The following DGKI variants were observed in gnomAD, a reference collection of about 807,000 sequenced individuals.
DGKI encodes diacylglycerol kinase iota, also known as DAG kinase iota.
In DGKI, 55 loss-of-function variants were observed where a neutral mutation model predicts 147.5. The ratio of observed to expected loss-of-function variants is 0.37; its 90% CI spans 0.30 to 0.47. The LOEUF is 0.47. DGKI is among the 20% of genes least tolerant of loss of function. The pLI is 1.00. For synonymous variants in DGKI, 469 were observed against 477.1 expected (o/e 0.98, Z 0.22); for missense variants, 1,007 against 1,323.8 (o/e 0.76, Z 3.71).
intron 19 of DGKI, among the ~76,000 whole-genome samples, chr7:137,563,607 C>A (rs1818488709): frequency 6.6e-6 from 1 of 151,674 alleles, no homozygotes. Flanking sequence ...GGTCAATAAA[C>A]AAATATGTAT....
intron 12 of DGKI, among the ~76,000 whole-genome samples, chr7:137,592,141 T>C (rs1196240999): frequency 6.6e-6 from 1 of 152,198 alleles, no homozygotes; most frequent in Non-Finnish European, 1.5e-5. Context: ...CCGGAACCCG[T>C]TTCCACCTGA....
intron 6 of DGKI, among the ~76,000 whole-genome samples, chr7:137,638,644 G>GTGTATA (rs1821499704): frequency 3.8e-4 from 1 of 2,664 alleles, no homozygotes; most frequent in African/African-American, 2.1e-3. Context: ...GTATATATGT[G>GTGTATA]TATGTATATA....
chr7:137,618,522 G>T lies in DGKI; in HGVS notation c.993+1302C>A, dbSNP rs1288700441. Among the ~76,000 whole-genome samples, 3 of 151,358 alleles carry T rather than the reference G, an allele frequency of 2.0e-5. No individual in the cohort carries two copies. In the South Asian group the frequency reaches 6.3e-4, roughly 32 times the overall value. On this transcript the variant is annotated intron_variant, in intron 8 of 32. Coordinates refer to ENST00000614521, the MANE Select transcript of DGKI (RefSeq NM_001321708.2). ...AAGAGTAAGGATCACGTATTTTATC[G>T]CAATGCCTATTAGCCTTCCTGATAC... is the stretch of plus-strand genomic sequence containing the variant.
At position 137,577,289 on chromosome 7, in the gene DGKI, AC is replaced by A; in HGVS notation, c.1699-6del. Reference sequence around the variant, plus strand: ...TAGGAAGTCAGAAAAAGCTGCCTATACCACAGGGAAATAAAGAAGAAGAAAT... The same window carrying A: ...TAGGAAGTCAGAAAAAGCTGCCTATACACAGGGAAATAAAGAAGAAGAAAT... On this transcript the variant is annotated splice_polypyrimidine_tract_variant and splice_region_variant and intron_variant, in intron 16 of 32. Transcript: ENST00000614521. 1 of 1,587,368 alleles carries A rather than the reference AC, an allele frequency of 6.3e-7. No individual in the cohort carries two copies. The highest frequency in any genetic ancestry group is 8.6e-7 in the Non-Finnish European group (1 of 1,161,210).
chr7:137,532,078 C>A (rs961615466), intron 20 of DGKI, among the ~76,000 whole-genome samples: 6 of 149,810 alleles, frequency 4.0e-5, no homozygotes, highest in Non-Finnish European at 4.5e-5. Flanking sequence ...ATAAAAATAT[C>A]AAAAAAAACA....
At chr7:137,768,773 A>C (rs1235060005) in intron 1 of DGKI, among the ~76,000 whole-genome samples, 1 of 152,124 alleles carries the variant, frequency 6.6e-6, no homozygotes, top group African/African-American at 2.4e-5. Context: ...CTTCACACTC[A>C]GGGACAAAAT....
intron 1 of DGKI, among the ~76,000 whole-genome samples, chr7:137,796,196 T>G (rs1341841694): frequency 6.6e-6 from 1 of 152,044 alleles, no homozygotes; most frequent in Non-Finnish European, 1.5e-5. Context: ...TTACACAAAG[T>G]TTTAAATAAA....
intron 1 of DGKI, among the ~76,000 whole-genome samples, chr7:137,705,229 A>G (rs1417347757): frequency 6.6e-6 from 1 of 152,098 alleles, no homozygotes; most frequent in Non-Finnish European, 1.5e-5. Context: ...ATGCAATATG[A>G]CCCAGAAATT....
At position 137,552,523 on chromosome 7, in the gene DGKI, G is replaced by A. The variant is rs749575528; in HGVS notation, c.1993C>T (p.Arg665Ter). ...GGHGERLHQC[R>*]EVMLLTYKSI... ...TTGTAAGTTAGAAGCATGACTTCTC[G>A]ACACTGGTGTAGCCTCTCTCCATGG... is the stretch of plus-strand genomic sequence containing the variant. The change falls in exon 20 of 33, where the codon CGA (arginine) becomes TGA (stop). Residue 665 changes from arginine (R) to a stop codon, truncating the protein, a stop_gained. Transcript: ENST00000614521. LOFTEE classifies it high-confidence loss of function. 2 of 1,614,142 alleles carry A rather than the reference G, an allele frequency of 1.2e-6. No individual in the cohort carries two copies. Among genetic ancestry groups the A allele is most frequent in the Non-Finnish European group, 1.7e-6 (2 of 1,180,042 alleles).
chr7:137,485,001 G>C (rs903688401), intron 23 of DGKI, among the ~76,000 whole-genome samples: 1 of 152,038 alleles, frequency 6.6e-6, no homozygotes, highest in Non-Finnish European at 1.5e-5. Context: ...GCAGGAAAGT[G>C]GAGTGTGAGC....
chr7:137,549,134 G>T (rs834055), intron 20 of DGKI, among the ~76,000 whole-genome samples: 16,598 of 152,186 alleles, frequency 0.11, 2,044 homozygotes, highest in African/African-American at 0.3. Context: ...CAGCTGTGAA[G>T]GGAATAGGCT....
rs537163526 is a variant in DGKI, at chr7:137,619,564, T to C, written c.993+260A>G. Among the ~76,000 whole-genome samples, 4 of 152,230 alleles carry C rather than the reference T, an allele frequency of 2.6e-5. No homozygotes were observed. In the South Asian group the frequency reaches 8.3e-4, roughly 32 times the overall value. ...GGAAGAGCACCTATCAAAGAGAATA[T>C]CATTAGCACATGAATGAGGAGGCAA... On this transcript the variant is annotated intron_variant, in intron 8 of 32. Coordinates refer to ENST00000614521, the MANE Select transcript of DGKI (RefSeq NM_001321708.2).
intron 21 of DGKI, among the ~76,000 whole-genome samples, chr7:137,488,107 T>A (rs1815633605): frequency 6.6e-6 from 1 of 152,132 alleles, no homozygotes; most frequent in South Asian, 2.1e-4. Context: ...CCGGGGGAAT[T>A]AAACATTGAG....
intron 21 of DGKI, among the ~76,000 whole-genome samples, chr7:137,502,192 C>A (rs2128943009): frequency 6.6e-6 from 1 of 152,196 alleles, no homozygotes; most frequent in Admixed American, 6.5e-5. Context: ...AGGGCCTAAG[C>A]CTGGGGGTTC....
At chr7:137,486,011 T>C (rs1399492131) in intron 22 of DGKI, among the ~76,000 whole-genome samples, 1 of 152,128 alleles carries the variant, frequency 6.6e-6, no homozygotes, top group East Asian at 1.9e-4. Context: ...ACTCCTTTCA[T>C]AAAGTTTTAT....
chr7:137,786,923 T>G (rs1258173816), intron 1 of DGKI, among the ~76,000 whole-genome samples: 1 of 152,160 alleles, frequency 6.6e-6, no homozygotes, highest in Non-Finnish European at 1.5e-5. Context: ...GCAAGTCACA[T>G]GTAGCAGAAT....
intron 24 of DGKI, among the ~76,000 whole-genome samples, chr7:137,469,188 C>A (rs530765027): frequency 6.6e-6 from 1 of 152,128 alleles, no homozygotes; most frequent in South Asian, 2.1e-4. Flanking sequence ...CCATAAGATG[C>A]AAATAACATA....
chr7:137,778,578 A>C (rs1227453243), intron 1 of DGKI, among the ~76,000 whole-genome samples: 1 of 152,104 alleles, frequency 6.6e-6, no homozygotes, highest in East Asian at 1.9e-4. Context: ...CACAGATAAC[A>C]ATTTTTAGAT....
chr7:137,425,770 G>T lies in DGKI; in HGVS notation c.2762-13563C>A, dbSNP rs185724167. ...GAAGAATCCAGAAGCCTCGGGAGCC[G>T]ATGCGATCAACTGGAAGAAAGGGTA... On this transcript the variant is annotated intron_variant, in intron 28 of 32. Transcript: ENST00000614521. 2.6e-5 allele frequency among the ~76,000 whole-genome samples: 4 copies of T among 152,310 alleles called. No homozygotes were observed. In the South Asian group the frequency reaches 8.3e-4, roughly 32 times the overall value.
Sources: allele counts gnomAD v4.1 joint callset (sites outside exome capture counted in the v4.1 genomes callset), GRCh38; gene constraint gnomAD v4.1.1; transcripts MANE v1.5; gene names NCBI Gene and HGNC (gene_info 2026-07-23, HGNC 2026-07-21).